The following KCNC4 variants were observed in gnomAD, a reference collection of about 807,000 sequenced individuals.
The protein encoded by KCNC4 is potassium voltage-gated channel subfamily C member 4.
KCNC4 carries 23 observed loss-of-function variants against 42.8 expected under a neutral mutation model. The observed-to-expected ratio is 0.54, with a 90% CI of 0.39 to 0.76. KCNC4 has a LOEUF of 0.76. Among genes scored for constraint, KCNC4 ranks in the 30% least tolerant of loss-of-function variants. The pLI, the probability that KCNC4 is intolerant of heterozygous loss-of-function variation, is 0.00. For synonymous variants in KCNC4, 422 were observed against 393.5 expected, an observed-to-expected ratio of 1.07 and a Z score of -0.86; for missense variants, 751 against 898.2, an observed-to-expected ratio of 0.84 and a Z score of 2.10.
chr1:110,273,954 A>T (rs1016902606), intron 1 of KCNC4, among the ~76,000 whole-genome samples: 3 of 152,200 alleles, frequency 2.0e-5, no homozygotes, highest in African/African-American at 7.2e-5. Context: ...TAGGACTAAA[A>T]CGTTATTAAG....
Position 110,212,029 on chromosome 1 carries a change from C to T in KCNC4, c.530C>T (p.Ala177Val). The change falls in exon 1 of 4, where the codon GCC becomes GTC. Residue 177 changes from alanine (A) to valine (V), a missense_variant. This residue lies in a region of KCNC4 where 181 missense variants were observed against 167.3 expected (regional missense o/e 1.08). Coordinates refer to ENST00000438661, the MANE Select transcript of KCNC4 (RefSeq NM_001039574.3). ...AGCGGCGCGGGGCCCAGCGACGAGG[C>T]CGGCGACGATGAGCGGGAGCTGGCC... ...GGSGAGPSDE[A>V]GDDERELALQ... The T allele has an allele frequency of 6.3e-7, 1 of 1,591,696 alleles. No homozygotes were observed. The highest frequency in any genetic ancestry group is 8.5e-7 in the Non-Finnish European group (1 of 1,170,774).
chr1:110,223,479 G>A lies in KCNC4; in HGVS notation c.1194G>A (p.Met398Ile). The A allele has an allele frequency of 6.2e-7, 1 of 1,613,856 alleles. No individual in the cohort carries two copies. The highest frequency in any genetic ancestry group is 1.6e-4 in the Middle Eastern group (1 of 6,062). Residue 398 changes from methionine (M) to isoleucine (I), a missense_variant, in exon 2 of 4, where the codon ATG becomes ATA. Transcript: ENST00000438661. The surrounding 1 kb of genome is among the most constrained non-coding windows in gnomAD (Gnocchi z 7.5). Reference protein sequence around the residue: ...LALGVLIFATMIYYAERIGAR... With the variant: ...LALGVLIFATIIYYAERIGAR... ...TGGGTGTGCTCATCTTTGCCACCAT[G>A]ATCTACTACGCTGAGCGCATTGGGG...
intron 3 of KCNC4, among the ~76,000 whole-genome samples, chr1:110,227,403 G>A (rs774377868): frequency 2.0e-5 from 3 of 152,226 alleles, no homozygotes; most frequent in Non-Finnish European, 4.4e-5. Context: ...CCTGAAAGGT[G>A]TGTGTCCAGC....
chr1:110,257,527 AAC>A (rs1659355465), intron 1 of KCNC4, among the ~76,000 whole-genome samples: 1 of 151,138 alleles, frequency 6.6e-6, no homozygotes, highest in Non-Finnish European at 1.5e-5. Context: ...CATCCTGGCT[AAC>A]ATGGTGAAAC....
At chr1:110,267,654 T>C (rs1453144619) in intron 1 of KCNC4, among the ~76,000 whole-genome samples, 1 of 152,200 alleles carries the variant, frequency 6.6e-6, no homozygotes, top group Non-Finnish European at 1.5e-5. Context: ...ATTCTGTCAT[T>C]CTTAATCCTC....
At position 110,211,983 on chromosome 1, in the gene KCNC4, G is replaced by C. The variant is rs1218703475; in HGVS notation, c.484G>C (p.Glu162Gln). 6.2e-7 allele frequency: 1 copy of C among 1,610,414 alleles called. No individual in the cohort carries two copies. The highest frequency in any genetic ancestry group is 1.7e-5 in the Admixed American group (1 of 59,886). The change falls in exon 1 of 4, where the codon GAG (glutamate) becomes CAG (glutamine). Residue 162 changes from glutamate to glutamine, a missense_variant. By Grantham distance (29) the Glu-to-Gln change is conservative. Around this residue, in one of 4 missense-constraint regions of KCNC4, gnomAD observed 183 missense variants for 255.8 expected, o/e 0.72. Transcript: ENST00000438661. This position sits in a 1 kb window ranked among gnomAD's most constrained non-coding sequence, Gnocchi z 6.5. ...CGCCGAGGAGGCGCTCGACATCTTC[G>C]AGAGCCCGGACGGAGGCGGCAGCGG... ...RDAEEALDIF[E>Q]SPDGGGSGAG... is the part of the protein sequence containing the mutation.
At chr1:110,224,128 G>C (rs1367677232) in intron 2 of KCNC4, 1 of 554,290 alleles carries the variant, frequency 1.8e-6, no homozygotes, top group African/African-American at 1.9e-5. Context: ...TTCCACCCAG[G>C]GTAGGGTGTG....
At chr1:110,275,575 T>C (rs991711053) in intron 1 of KCNC4, among the ~76,000 whole-genome samples, 1 of 152,050 alleles carries the variant, frequency 6.6e-6, no homozygotes, top group East Asian at 1.9e-4. Flanking sequence ...TTTATCACAA[T>C]AGCAAAAATA....
At chr1:110,277,969 G>A (rs762066734) in intron 1 of KCNC4, among the ~76,000 whole-genome samples, 28 of 152,246 alleles carry the variant, frequency 1.8e-4, no homozygotes, top group East Asian at 3.9e-4. Context: ...CGCAACTGGC[G>A]AAACCCCATC....
At chr1:110,277,960 G>A (rs905441681) in intron 1 of KCNC4, among the ~76,000 whole-genome samples, 1 of 152,106 alleles carries the variant, frequency 6.6e-6, no homozygotes, top group East Asian at 1.9e-4. Context: ...AGCAGCCTGC[G>A]CAACTGGCGA....
intron 1 of KCNC4, among the ~76,000 whole-genome samples, chr1:110,216,191 G>C (rs1269947413): frequency 6.6e-6 from 1 of 152,228 alleles, no homozygotes; most frequent in African/African-American, 2.4e-5. Flanking sequence ...TCTGGTCCGG[G>C]CATTGCCTGG....
At chr1:110,269,800 C>G (rs1387960358) in intron 1 of KCNC4, among the ~76,000 whole-genome samples, 4 of 151,884 alleles carry the variant, frequency 2.6e-5, no homozygotes, top group Non-Finnish European at 5.9e-5. Flanking sequence ...TTTTGCATTT[C>G]TCCCAGCAGT....
At chr1:110,238,525 C>T (rs1368017688), downstream of KCNC4, 1 of 152,218 alleles carries the variant, frequency 6.6e-6, no homozygotes, top group African/African-American at 2.4e-5. Flanking sequence ...ATTCATTCAG[C>T]AAACATATGT....
intron 2 of KCNC4, 95 bp from the exon 3 acceptor site, chr1:110,225,880 G>A: frequency 2.5e-6 from 3 of 1,212,036 alleles, no homozygotes; most frequent in South Asian, 1.5e-5. Context: ...CCAAGGTTGA[G>A]GAAGTAACAC....
chr1:110,225,943 C>A (rs372839654), intron 2 of KCNC4, 32 bp from the exon 3 acceptor site: 6 of 1,548,268 alleles, frequency 3.9e-6, no homozygotes, highest in Non-Finnish European at 5.2e-6. Context: ...GGTCGCCCCT[C>A]ATGCAGCCTC....
chr1:110,224,237 G>T, intron 2 of KCNC4: 1 of 279,632 alleles, frequency 3.6e-6, no homozygotes, highest in Non-Finnish European at 6.7e-6. Flanking sequence ...ACCCTCTCTA[G>T]GCACCTGTAA....
Position 110,211,169 on chromosome 1 carries a change from CGTGTCCCCGGCCCAGAGCGTTTGT to C in KCNC4, c.-323_-300del, listed in dbSNP as rs1443705462. On this transcript the variant is annotated 5_prime_UTR_variant, in exon 1 of 4. Transcript: ENST00000438661. The surrounding 1 kb of genome is among the most constrained non-coding windows in gnomAD (Gnocchi z 6.5). ...TCTTTGGTCGGGGTGAAGGCGGGGG[CGTGTCCCCGGCCCAGAGCGTTTGT>C]GTGTCCCGTCGTAGCGGGGGACCGC... Among the ~76,000 whole-genome samples, 1 of 152,240 alleles carries C rather than the reference CGTGTCCCCGGCCCAGAGCGTTTGT, an allele frequency of 6.6e-6. No individual in the cohort carries two copies. Among genetic ancestry groups the C allele is most frequent in the Admixed American group, 6.5e-5 (1 of 15,288 alleles).
intron 1 of KCNC4, among the ~76,000 whole-genome samples, chr1:110,257,856 A>G (rs984952100): frequency 1.3e-5 from 2 of 152,160 alleles, no homozygotes; most frequent in African/African-American, 4.8e-5. Flanking sequence ...TTAATCCTAA[A>G]ATGTCCAAGA....
In KCNC4 at chr1:110,226,376, G is replaced by T. The variant is rs375288185; in HGVS notation, c.1819+198G>T. On this transcript the variant is annotated intron_variant, in intron 3 of 3. Coordinates refer to ENST00000438661, the MANE Select transcript of KCNC4 (RefSeq NM_001039574.3). ...GAAAGGTCTTCTCCATCTCAGAAGG[G>T]CACACGGCTCCCATCCAGCTGCCCA... The T allele has an allele frequency of 1.1e-3, 651 of 613,382 alleles. 1 individual carries two copies. The highest frequency in any genetic ancestry group is 8.4e-3 in the African/African-American group (460 of 54,604). The allele number at this position is 613,382 out of a possible 1,614,324, so 38.0% of individuals were successfully genotyped here.
Sources: gnomAD v4.1 joint callset for allele counts (sites outside exome capture counted in the v4.1 genomes callset) on GRCh38, gnomAD v4.1.1 for gene constraint, gnomAD v4.1.1 regional missense constraint, Gnocchi (gnomAD v3.1) non-coding constraint, MANE v1.5 for transcripts, NCBI Gene and HGNC (gene_info 2026-07-23, HGNC 2026-07-21) for gene names.